TMEM63A: variants seen among roughly 807,000 people sequenced by gnomAD.
The protein encoded by TMEM63A is transmembrane protein 63A.
A neutral mutation model predicts 100.6 loss-of-function variants in TMEM63A; 76 were observed. The observed-to-expected ratio is 0.76, with a 90% confidence interval of 0.63 to 0.91. The LOEUF is 0.91. TMEM63A is among the 40% of genes least tolerant of loss of function. TMEM63A has a pLI of 0.00. For synonymous variants in TMEM63A, 401 were observed against 401.1 expected (o/e 1.00, Z 0.00); for missense variants, 876 against 1,008.8 (o/e 0.87, Z 1.78).
At chr1:225,856,856 A>C in intron 16 of TMEM63A, 55 bp downstream of exon 16, 1 of 1,589,354 alleles carries the variant, frequency 6.3e-7, no homozygotes, top group Non-Finnish European at 8.6e-7. Flanking sequence ...TGGACAAGGG[A>C]GCGGTCAGAG....
chr1:225,856,766 C>T, intron 16 of TMEM63A, 28 bp from the exon 17 acceptor site: 1 of 1,608,254 alleles, frequency 6.2e-7, no homozygotes, highest in East Asian at 2.2e-5. Context: ...TGAGCACTCG[C>T]AGTCCCCCAA....
chr1:225,877,318 A>G, intron 3 of TMEM63A, 77 bp downstream of exon 3: 1 of 1,486,562 alleles, frequency 6.7e-7, no homozygotes, highest in Non-Finnish European at 9.0e-7. Flanking sequence ...TTCTCATCTA[A>G]GTTTCCCAGA....
At chr1:225,855,695 C>G (rs1669578240) in intron 18 of TMEM63A, among the ~76,000 whole-genome samples, 183 bp downstream of exon 18, 1 of 152,202 alleles carries the variant, frequency 6.6e-6, no homozygotes, top group African/African-American at 2.4e-5. Flanking sequence ...GGGTCAGCTC[C>G]CACAGTGTCT....
rs1169389984 is a variant in TMEM63A at position 225,865,266 on chromosome 1, G to A, written c.746+631C>T. On this transcript the variant is annotated intron_variant, in intron 10 of 24. Coordinates refer to ENST00000366835, the MANE Select transcript of TMEM63A (RefSeq NM_014698.3). The surrounding 1 kb of genome is among the most constrained non-coding windows in gnomAD (Gnocchi z 4.6). The stretch of plus-strand genomic sequence containing the variant: ...CCTGCACCCCACCGCCACCTTTCCT[G>A]ATGCTCTGGGCCTTTCCCCGCATCC... 1 of 152,402 alleles carries A rather than the reference G, an allele frequency of 6.6e-6. No homozygotes were observed. The highest frequency in any genetic ancestry group is 1.5e-5 in the Non-Finnish European group (1 of 68,234). The allele number at this position is 152,402 out of a possible 1,614,324, so 9.4% of individuals were successfully genotyped here.
Position 225,848,509 on chromosome 1 carries a change from T to C in TMEM63A, c.2233A>G (p.Met745Val). ...CAGCTTACTGTGAACGGTGGGGGCA[T>C]GTGGGCCTCTGCCTCACTTCCTTTG... ...SDKGSEAEAHMPPPFTPYVPR... is the reference protein window; with the variant it reads ...SDKGSEAEAHVPPPFTPYVPR... Residue 745 changes from methionine (M) to valine (V), a missense_variant, in exon 23 of 25, where the codon ATG (methionine) becomes GTG (valine). By Grantham distance (21) the Met-to-Val change is conservative (BLOSUM62 1). This residue lies in a region of TMEM63A where 339 missense variants were observed against 342.3 expected (regional missense o/e 0.99). Coordinates refer to ENST00000366835, the MANE Select transcript of TMEM63A (RefSeq NM_014698.3). 1.9e-6 allele frequency: 3 copies of C among 1,614,142 alleles called. No homozygotes were observed. The highest frequency in any genetic ancestry group is 1.1e-5 in the South Asian group (1 of 91,082).
intron 20 of TMEM63A, among the ~76,000 whole-genome samples, chr1:225,851,427 T>TGG (rs1228867844): frequency 2.0e-5 from 3 of 152,318 alleles, no homozygotes; most frequent in Admixed American, 6.5e-5. Context: ...TGGAGTGCAC[T>TGG]GGTGCAATCT....
Position 225,862,151 on chromosome 1 carries a change from G to C in TMEM63A, c.1085+67C>G. Reference sequence around the variant, plus strand: ...AGCAGTACCATCTCCACTCGAGAGGGACAGTGAGTTATCTGGAGGGGAACA... The same window carrying C: ...AGCAGTACCATCTCCACTCGAGAGGCACAGTGAGTTATCTGGAGGGGAACA... On this transcript the variant is annotated intron_variant, in intron 13 of 24. Transcript: ENST00000366835. The surrounding 1 kb of genome is among the most constrained non-coding windows in gnomAD (Gnocchi z 5.1). 1 of 1,595,852 alleles carries C rather than the reference G, an allele frequency of 6.3e-7. No homozygotes were observed. Among genetic ancestry groups the C allele is most frequent in the Non-Finnish European group, 8.6e-7 (1 of 1,169,190 alleles).
At chr1:225,843,123 A>G (rs924904332), downstream of TMEM63A, among the ~76,000 whole-genome samples, 15 of 152,218 alleles carry the variant, frequency 9.9e-5, no homozygotes, top group African/African-American at 3.6e-4. Context: ...CCCATCACCT[A>G]GAACAATGCC....
In TMEM63A at chr1:225,867,055, C is replaced by T; in HGVS notation, c.566+57G>A. 6.3e-7 allele frequency: 1 copy of T among 1,599,978 alleles called. No individual in the cohort carries two copies. Among genetic ancestry groups the T allele is most frequent in the Non-Finnish European group, 8.6e-7 (1 of 1,167,218 alleles). On this transcript the variant is annotated intron_variant, in intron 8 of 24. Coordinates refer to ENST00000366835, the MANE Select transcript of TMEM63A (RefSeq NM_014698.3). The surrounding 1 kb of genome is among the most constrained non-coding windows in gnomAD (Gnocchi z 4.6). ...CCTCTGGCCTGCCCCGGGCTCCTGACCTGCCTTCTCCTTGATCTCACCCAT... is the reference window on the plus strand; with the variant it reads ...CCTCTGGCCTGCCCCGGGCTCCTGATCTGCCTTCTCCTTGATCTCACCCAT...
Position 225,866,671 on chromosome 1 carries a change from AG to A in TMEM63A, c.577del (p.Leu193PhefsTer34), listed in dbSNP as rs764164386. ...IANLQTDNDL[L>X]WLHTIFAVIY... ...GACAGCAAAGATGGTGTGCAGCCAA[AG>A]GAGGTCATTGCTGAGAGGGAAACCA... On this transcript the variant is annotated frameshift_variant, in exon 9 of 25. Transcript: ENST00000366835. LOFTEE classifies it high-confidence loss of function. The A allele has an allele frequency of 6.2e-7, 1 of 1,614,128 alleles. No individual in the cohort carries two copies. The highest frequency in any genetic ancestry group is 1.7e-5 in the Admixed American group (1 of 60,020).
rs1669907691 is a variant in TMEM63A, at chr1:225,860,988, T to A, written c.1095A>T (p.Lys365Asn). 7 of 1,610,104 alleles carry A rather than the reference T, an allele frequency of 4.3e-6. No homozygotes were observed. The highest frequency in any genetic ancestry group is 5.9e-6 in the Non-Finnish European group (7 of 1,178,130). The change falls in exon 14 of 25, where the codon AAA becomes AAT. Residue 365 changes from lysine (K) to asparagine (N), a missense_variant. Transcript: ENST00000366835. Reference sequence around the variant, plus strand: ...TCTGACACTTGCAGGCATTGAAATCTTTCAGGATGCTGCAAGGAAATGTAG... The same window carrying A: ...TCTGACACTTGCAGGCATTGAAATCATTCAGGATGCTGCAAGGAAATGTAG... Reference protein sequence around the residue: ...QEKSMATYILKDFNACKCQSL... With the variant: ...QEKSMATYILNDFNACKCQSL...
In TMEM63A at chr1:225,867,933, A is replaced by C; in HGVS notation, c.469T>G (p.Ser157Ala). The change falls in exon 7 of 25, where the codon TCC becomes GCC. Residue 157 changes from serine (S) to alanine (A), a missense_variant. By Grantham distance (99) the Ser-to-Ala change is moderately conservative (BLOSUM62 1). This residue lies in a region of TMEM63A where 487 missense variants were observed against 581.9 expected (regional missense o/e 0.84). Coordinates refer to ENST00000366835, the MANE Select transcript of TMEM63A (RefSeq NM_014698.3). This position sits in a 1 kb window ranked among gnomAD's most constrained non-coding sequence, Gnocchi z 4.6. ...IFLLVVVSFL[S>A]LCVILPVNLS... ...TTGACAGGCAGGATGACACACAGGG[A>C]CAAAAAGCTGACCACCACCAACAGG... 1 of 1,614,182 alleles carries C rather than the reference A, an allele frequency of 6.2e-7. No individual in the cohort carries two copies. The highest frequency in any genetic ancestry group is 8.5e-7 in the Non-Finnish European group (1 of 1,180,032).
chr1:225,859,649 G>GCTTTTT (rs746371875), intron 14 of TMEM63A: 73 of 268,802 alleles, frequency 2.7e-4, no homozygotes, highest in African/African-American at 1.5e-3. Flanking sequence ...TTCTTTTTCT[G>GCTTTTT]TTTTTTTTTT....
At chr1:225,872,312 C>T (rs568977647) in intron 4 of TMEM63A, among the ~76,000 whole-genome samples, 4 of 152,226 alleles carry the variant, frequency 2.6e-5, no homozygotes, top group Non-Finnish European at 4.4e-5. Context: ...AACCACACCA[C>T]TGTGACTCGT....
intron 4 of TMEM63A, among the ~76,000 whole-genome samples, chr1:225,872,667 C>A (rs968108227): frequency 6.7e-6 from 1 of 148,594 alleles, no homozygotes; most frequent in South Asian, 2.1e-4. Flanking sequence ...GTTTGCAATA[C>A]GTATATGTGA....
At chr1:225,871,426 G>T (rs958150320) in intron 5 of TMEM63A, 12 of 304,714 alleles carry the variant, frequency 3.9e-5, no homozygotes, top group Admixed American at 2.5e-4. Flanking sequence ...TGACCAAGAG[G>T]TGAGGCAAAA....
rs1669055766 is a variant in TMEM63A at position 225,847,228 on chromosome 1, A to G, written c.2251-15T>C. 4 of 1,610,866 alleles carry G rather than the reference A, an allele frequency of 2.5e-6. No homozygotes were observed. Among genetic ancestry groups the G allele is most frequent in the Non-Finnish European group, 2.5e-6 (3 of 1,178,336 alleles). On this transcript the variant is annotated splice_polypyrimidine_tract_variant and intron_variant, in intron 23 of 24. Coordinates refer to ENST00000366835, the MANE Select transcript of TMEM63A (RefSeq NM_014698.3). ...GGCACGTAGGGCTGTCAGCAAATGG[A>G]TTTGTGCTTGGCCTGGACAGGCATG...
Position 225,871,044 on chromosome 1 carries a change from GC to G in TMEM63A, c.371+31del, listed in dbSNP as rs750109113. The stretch of plus-strand genomic sequence containing the variant: ...AACACCCAAAAAAACCAGCCCAAAG[GC>G]CCCCCAGCAGCTGCCCCCGGGTGTA... On this transcript the variant is annotated intron_variant, in intron 6 of 24. Transcript: ENST00000366835. The G allele has an allele frequency of 1.6e-5, 26 of 1,612,290 alleles. 1 individual carries two copies. The highest frequency in any genetic ancestry group is 1.5e-4 in the South Asian group (14 of 91,012).
intron 3 of TMEM63A, among the ~76,000 whole-genome samples, chr1:225,876,384 T>C (rs1488953249): frequency 1.3e-5 from 2 of 152,044 alleles, no homozygotes; most frequent in Non-Finnish European, 2.9e-5. Flanking sequence ...TCCAAGGATG[T>C]TTACTCCATC....
Sources: allele counts gnomAD v4.1 joint callset (sites outside exome capture counted in the v4.1 genomes callset), GRCh38; gene constraint gnomAD v4.1.1; regional missense constraint gnomAD v4.1.1; non-coding constraint Gnocchi (gnomAD v3.1); transcripts MANE v1.5; gene names NCBI Gene and HGNC (gene_info 2026-07-23, HGNC 2026-07-21).